The following PCDH15 variants were observed in gnomAD, a reference collection of about 807,000 sequenced individuals.
The protein encoded by PCDH15 is protocadherin related 15.
Under a neutral mutation model 178.5 loss-of-function variants are expected in PCDH15, and 129 were observed. The ratio of observed to expected loss-of-function variants is 0.72; its 90% CI spans 0.63 to 0.84. PCDH15 has a LOEUF of 0.84. Among genes scored for constraint, PCDH15 ranks in the 40% least tolerant of loss-of-function variants. The pLI, the probability that PCDH15 is intolerant of heterozygous loss-of-function variation, is 0.00. For synonymous variants in PCDH15, 800 were observed against 732.0 expected, an observed-to-expected ratio of 1.09 and a Z score of -1.50; for missense variants, 2,230 against 2,099.9, an observed-to-expected ratio of 1.06 and a Z score of -1.21.
intron 1 of PCDH15, among the ~76,000 whole-genome samples, chr10:54,784,137 C>T (rs1385271562): frequency 6.6e-6 from 1 of 152,010 alleles, no homozygotes; most frequent in Non-Finnish European, 1.5e-5. Flanking sequence ...ATTAGCTCCA[C>T]CTAGCCTCTT....
At chr10:53,819,683 T>C in intron 33 of PCDH15, among the ~76,000 whole-genome samples, 1 of 151,592 alleles carries the variant, frequency 6.6e-6, no homozygotes, top group South Asian at 2.1e-4. Flanking sequence ...ATAATAAATA[T>C]TGAGAAAAAA....
chr10:54,873,001 C>T (rs925872718), intron 3 of PCDH15, among the ~76,000 whole-genome samples: 6 of 149,218 alleles, frequency 4.0e-5, no homozygotes, highest in Admixed American at 3.3e-4. Flanking sequence ...ATTGTAAAAG[C>T]TACCAACCAT....
At chr10:54,199,048 A>T (rs1195112232) in intron 10 of PCDH15, among the ~76,000 whole-genome samples, 1 of 152,236 alleles carries the variant, frequency 6.6e-6, no homozygotes. Context: ...ATTCAATGAA[A>T]AGAGAAATAA....
chr10:54,752,476 C>CAAAAAAAAAAAAAAAAAAAAAAAAAA (rs755874514), intron 1 of PCDH15, among the ~76,000 whole-genome samples: 2 of 89,780 alleles, frequency 2.2e-5, no homozygotes, highest in Non-Finnish European at 5.0e-5. Context: ...GACTCCGTCT[C>CAAAAAAAAAAAAAAAAAAAAAAAAAA]AAAAAAAAAA....
At chr10:55,619,728 A>G (rs1843550909) in intron 2 of PCDH15, among the ~76,000 whole-genome samples, 1 of 151,972 alleles carries the variant, frequency 6.6e-6, no homozygotes. Flanking sequence ...AAAATTTCTA[A>G]TATGTGTTTT....
chr10:54,247,603 A>T (rs1375097494), intron 8 of PCDH15, among the ~76,000 whole-genome samples: 1 of 151,940 alleles, frequency 6.6e-6, no homozygotes, highest in Non-Finnish European at 1.5e-5. Flanking sequence ...TGAATCATAT[A>T]CACATATAGG....
intron 2 of PCDH15, among the ~76,000 whole-genome samples, chr10:55,420,550 G>T (rs1838596562): frequency 6.6e-6 from 1 of 151,600 alleles, no homozygotes; most frequent in African/African-American, 2.4e-5. Context: ...GAAATCCCAA[G>T]GAATCACTTT....
intron 2 of PCDH15, among the ~76,000 whole-genome samples, chr10:54,975,879 T>A (rs1426895618): frequency 6.6e-6 from 1 of 152,136 alleles, no homozygotes; most frequent in Non-Finnish European, 1.5e-5. Context: ...CACTGGGGAA[T>A]CCCTGAATGA....
chr10:55,192,880 C>T (rs201112295), intron 1 of PCDH15, among the ~76,000 whole-genome samples: 1 of 150,556 alleles, frequency 6.6e-6, no homozygotes, highest in Non-Finnish European at 1.5e-5. Context: ...TATGTATATA[C>T]ATATATAATC....
chr10:54,242,183 T>TACAC (rs1406356390), intron 8 of PCDH15, among the ~76,000 whole-genome samples: 3 of 78,188 alleles, frequency 3.8e-5, no homozygotes, highest in African/African-American at 1.7e-4. Flanking sequence ...TATATATATA[T>TACAC]ATATACACAC....
At chr10:54,769,333 T>C (rs76028258) in intron 1 of PCDH15, among the ~76,000 whole-genome samples, 11,657 of 151,594 alleles carry the variant, frequency 0.077, 499 homozygotes, top group South Asian at 0.14. Context: ...TTTTTTTTTT[T>C]TTTAAATCTC....
chr10:53,808,928 C>T, intron 37 of PCDH15: 1 of 1,566,810 alleles, frequency 6.4e-7, no homozygotes, highest in Non-Finnish European at 8.7e-7. Flanking sequence ...TCTGTACTTT[C>T]TTCCACAGGG....
chr10:55,602,563 C>A (rs1464891070), intron 2 of PCDH15, among the ~76,000 whole-genome samples: 1 of 152,166 alleles, frequency 6.6e-6, no homozygotes, highest in Non-Finnish European at 1.5e-5. Flanking sequence ...ACTGCCTCCT[C>A]AAGTGGGTCC....
At chr10:54,684,905 T>C (rs2094965951) in intron 1 of PCDH15, among the ~76,000 whole-genome samples, 1 of 152,044 alleles carries the variant, frequency 6.6e-6, no homozygotes, top group South Asian at 2.1e-4. Flanking sequence ...TTTAGCTTAC[T>C]GTTGTTTTTA....
intron 2 of PCDH15, among the ~76,000 whole-genome samples, chr10:55,325,794 C>G (rs1194063601): frequency 1.3e-5 from 2 of 151,888 alleles, no homozygotes; most frequent in Admixed American, 6.6e-5. Flanking sequence ...TATCAACAGA[C>G]TAAACAGACA....
At chr10:54,053,138 C>A (rs2093814485) in intron 18 of PCDH15, among the ~76,000 whole-genome samples, 2 of 152,050 alleles carry the variant, frequency 1.3e-5, no homozygotes, top group South Asian at 4.1e-4. Context: ...CTTACACATA[C>A]TGAAATTCTA....
chr10:54,928,654 A>G (rs1338032539), intron 2 of PCDH15, among the ~76,000 whole-genome samples: 1 of 151,932 alleles, frequency 6.6e-6, no homozygotes, highest in Non-Finnish European at 1.5e-5. Context: ...CTTTTTCTTT[A>G]GTCTTTTCTG....
rs45563941 is a variant in PCDH15 at position 53,940,614 on chromosome 10, G to A, written c.3232+252C>T. On this transcript the variant is annotated intron_variant, in intron 24 of 37. Coordinates refer to ENST00000644397, the MANE Select transcript of PCDH15 (RefSeq NM_001384140.1). ...TTAAAATATTACCAAATGAGGAAAA[G>A]GGCAAGGTTTCATTAATTAGATACT... is the stretch of plus-strand genomic sequence containing the variant. Among the ~76,000 whole-genome samples, 537 of 152,166 alleles carry A rather than the reference G, an allele frequency of 3.5e-3. 1 individual carries two copies. Among genetic ancestry groups the A allele is most frequent in the Non-Finnish European group, 6.1e-3 (415 of 67,994 alleles).
intron 3 of PCDH15, among the ~76,000 whole-genome samples, chr10:54,498,088 A>G (rs1379589423): frequency 1.3e-5 from 2 of 152,250 alleles, no homozygotes; most frequent in African/African-American, 4.8e-5. Flanking sequence ...AGGGAACCCA[A>G]TTAGGCTAAC....
Sources: allele counts gnomAD v4.1 joint callset (sites outside exome capture counted in the v4.1 genomes callset), GRCh38; gene constraint gnomAD v4.1.1; transcripts MANE v1.5; gene names NCBI Gene and HGNC (gene_info 2026-07-23, HGNC 2026-07-21).